Variants in ATXN1 observed in about 807,000 individuals in gnomAD.
ATXN1 encodes ataxin-1.
A neutral mutation model predicts 56.4 loss-of-function variants in ATXN1; 8 were observed. That is an observed-to-expected ratio of 0.14 (90% CI 0.08 to 0.26). ATXN1 has a LOEUF of 0.26. ATXN1 is among the 10% of genes least tolerant of loss of function. The probability of loss-of-function intolerance (pLI) is 1.00; values close to 1 mark genes in which losing one functional copy is unlikely to be tolerated. For missense variants in ATXN1, 987 were observed against 1,106.5 expected (o/e 0.89, Z 1.53); for synonymous variants, 514 against 494.6 (o/e 1.04, Z -0.52).
intron 6 of ATXN1, among the ~76,000 whole-genome samples, chr6:16,370,837 T>A (rs1762025366): frequency 6.6e-6 from 1 of 152,188 alleles, no homozygotes; most frequent in Non-Finnish European, 1.5e-5. Context: ...AACCTTAAAC[T>A]ACAGTTTGTA....
chr6:16,718,835 A>G (rs1389306699), intron 2 of ATXN1, among the ~76,000 whole-genome samples: 2 of 152,344 alleles, frequency 1.3e-5, no homozygotes, highest in African/African-American at 4.8e-5. Flanking sequence ...CAATGTATAC[A>G]TGAAGACAAC....
chr6:16,594,310 G>A (rs1411877819), intron 3 of ATXN1, among the ~76,000 whole-genome samples: 2 of 151,216 alleles, frequency 1.3e-5, no homozygotes, highest in African/African-American at 4.9e-5. Context: ...AATATTCACT[G>A]TTAAACAATA....
At chr6:16,697,910 T>C (rs1759200762) in intron 2 of ATXN1, among the ~76,000 whole-genome samples, 1 of 152,186 alleles carries the variant, frequency 6.6e-6, no homozygotes, top group East Asian at 1.9e-4. Flanking sequence ...CCCCATCGAC[T>C]AGGAAGAGGC....
chr6:16,469,705 T>A (rs951194519), intron 6 of ATXN1, among the ~76,000 whole-genome samples: 1 of 152,194 alleles, frequency 6.6e-6, no homozygotes, highest in African/African-American at 2.4e-5. Context: ...GGCTCATGCC[T>A]GTAATCCCAG....
At chr6:16,319,335 G>A (rs992337649) in intron 7 of ATXN1, among the ~76,000 whole-genome samples, 2 of 152,144 alleles carry the variant, frequency 1.3e-5, no homozygotes, top group Non-Finnish European at 2.9e-5. Context: ...AGTGAGAGAC[G>A]CCAATGTGAA....
chr6:16,358,756 G>A (rs539901904), intron 6 of ATXN1, among the ~76,000 whole-genome samples: 3 of 152,282 alleles, frequency 2.0e-5, no homozygotes, highest in South Asian at 2.1e-4. Context: ...CGCCCTCTTG[G>A]GGCCACAGCC....
At chr6:16,630,991 G>T (rs566050425) in intron 3 of ATXN1, among the ~76,000 whole-genome samples, 2 of 152,122 alleles carry the variant, frequency 1.3e-5, no homozygotes, top group Admixed American at 6.5e-5. Flanking sequence ...CCTTTCATTG[G>T]TAAGCCACAG....
intron 2 of ATXN1, among the ~76,000 whole-genome samples, chr6:16,740,723 G>C (rs1760311544): frequency 6.6e-6 from 1 of 151,926 alleles, no homozygotes; most frequent in Non-Finnish European, 1.5e-5. Context: ...TTTAGAGACA[G>C]GGTCTCACTC....
At chr6:16,312,821 AC>A (rs150870362) in intron 7 of ATXN1, among the ~76,000 whole-genome samples, 2,480 of 151,650 alleles carry the variant, frequency 0.016, 73 homozygotes, top group African/African-American at 0.046. Flanking sequence ...CTCCCCCCAT[AC>A]CCCCCTCCCA....
intron 3 of ATXN1, among the ~76,000 whole-genome samples, chr6:16,656,608 C>T (rs1376841047): frequency 1.3e-5 from 2 of 152,146 alleles, no homozygotes; most frequent in Admixed American, 6.5e-5. Flanking sequence ...CTAAGACTGT[C>T]ATTCAAGGGC....
chr6:16,663,875 G>A (rs1758374544), intron 2 of ATXN1, among the ~76,000 whole-genome samples: 1 of 152,018 alleles, frequency 6.6e-6, no homozygotes, highest in Non-Finnish European at 1.5e-5. Flanking sequence ...CTTTATTTTG[G>A]TCTGACTCTT....
At chr6:16,497,680 C>T (rs1760806005) in intron 5 of ATXN1, among the ~76,000 whole-genome samples, 1 of 152,180 alleles carries the variant, frequency 6.6e-6, no homozygotes, top group Non-Finnish European at 1.5e-5. Flanking sequence ...AGCCTGGTGG[C>T]AGGGCCATGC....
chr6:16,522,887 CA>C (rs1442213581), intron 4 of ATXN1, among the ~76,000 whole-genome samples, 199 bp from the exon 5 acceptor site: 3 of 152,052 alleles, frequency 2.0e-5, no homozygotes, highest in African/African-American at 7.2e-5. Context: ...GAGCTTTGAA[CA>C]ATCAATATGT....
In ATXN1 at chr6:16,760,826, C is replaced by A. The variant is rs890790445; in HGVS notation, c.-730+472G>T. Among the ~76,000 whole-genome samples the A allele has an allele frequency of 2.0e-5, 3 of 150,902 alleles. No homozygotes were observed. Among genetic ancestry groups the A allele is most frequent in the Admixed American group, 6.6e-5 (1 of 15,194 alleles). ...CACCCCCCAACCCCAGCCGCCGCCT[C>A]CCCCCTGCGCCACCCGGAGGGAGGA... is the stretch of plus-strand genomic sequence containing the variant. On this transcript the variant is annotated intron_variant, in intron 1 of 7. Transcript: ENST00000436367. The surrounding 1 kb of genome is among the most constrained non-coding windows in gnomAD (Gnocchi z 5.3).
intron 4 of ATXN1, among the ~76,000 whole-genome samples, chr6:16,559,241 T>C (rs1353509576): frequency 1.3e-5 from 2 of 152,176 alleles, no homozygotes; most frequent in Non-Finnish European, 2.9e-5. Flanking sequence ...TAAAACTGCA[T>C]ATTCCTTTTG....
intron 5 of ATXN1, among the ~76,000 whole-genome samples, chr6:16,486,587 G>A (rs758204290): frequency 6.6e-6 from 1 of 152,126 alleles, no homozygotes; most frequent in Non-Finnish European, 1.5e-5. Flanking sequence ...GAATACAAAA[G>A]CCAGCACTGG....
At chr6:16,576,232 C>T (rs1762420147) in intron 4 of ATXN1, among the ~76,000 whole-genome samples, 1 of 152,152 alleles carries the variant, frequency 6.6e-6, no homozygotes. Flanking sequence ...CTCCCTAAGT[C>T]TCTTTACTTA....
chr6:16,449,619 G>C (rs891214275), intron 6 of ATXN1, among the ~76,000 whole-genome samples: 1 of 152,078 alleles, frequency 6.6e-6, no homozygotes, highest in African/African-American at 2.4e-5. Context: ...CAAATCGCAG[G>C]CTTACCAATT....
chr6:16,365,019 A>T (rs1761889400), intron 6 of ATXN1, among the ~76,000 whole-genome samples: 2 of 151,568 alleles, frequency 1.3e-5, no homozygotes, highest in African/African-American at 4.8e-5. Flanking sequence ...AAAGTGTGAC[A>T]CCTCAATCAG....
Sources: gnomAD v4.1 joint callset for allele counts (sites outside exome capture counted in the v4.1 genomes callset) on GRCh38, gnomAD v4.1.1 for gene constraint, Gnocchi (gnomAD v3.1) non-coding constraint, MANE v1.5 for transcripts, NCBI Gene and HGNC (gene_info 2026-07-23, HGNC 2026-07-21) for gene names.